The following NOTCH3 variants were observed in gnomAD, a reference collection of about 807,000 sequenced individuals.
NOTCH3 encodes neurogenic locus notch homolog protein 3.
NOTCH3 carries 86 observed loss-of-function variants against 213.3 expected under a neutral mutation model. That is an observed-to-expected ratio of 0.40 (90% CI 0.34 to 0.48). The LOEUF is 0.48. Among genes scored for constraint, NOTCH3 ranks in the 20% least tolerant of loss-of-function variants. The probability of loss-of-function intolerance (pLI) is 0.57; values close to 1 mark genes in which losing one functional copy is unlikely to be tolerated. For missense variants in NOTCH3, 2,783 were observed against 3,272.6 expected, an observed-to-expected ratio of 0.85 and a Z score of 3.65; for synonymous variants, 1,354 against 1,355.9, an observed-to-expected ratio of 1.00 and a Z score of 0.03.
intron 12 of NOTCH3, 106 bp downstream of exon 12, chr19:15,186,772 C>G (rs1329917159): frequency 1.1e-6 from 1 of 912,758 alleles, no homozygotes; most frequent in Non-Finnish European, 1.8e-6. Flanking sequence ...GCACGGACAA[C>G]CTCGTTGGAC....
intron 1 of NOTCH3, 48 bp from the exon 2 acceptor site, chr19:15,197,626 C>G: frequency 6.4e-7 from 1 of 1,568,162 alleles, no homozygotes; most frequent in East Asian, 2.3e-5. Context: ...TGCCCAGGAA[C>G]CCCAGGCCCA....
intron 28 of NOTCH3, among the ~76,000 whole-genome samples, chr19:15,168,250 A>C (rs1008276218): frequency 1.9e-4 from 29 of 152,212 alleles, no homozygotes; most frequent in African/African-American, 7.0e-4. Context: ...CCACAATTAC[A>C]TTGGGCCACC....
chr19:15,160,587 G>A lies in NOTCH3; in HGVS notation c.*75C>T. On this transcript the variant is annotated 3_prime_UTR_variant, in exon 33 of 33. Coordinates refer to ENST00000263388, the MANE Select transcript of NOTCH3 (RefSeq NM_000435.3). ...AGAGGATGAAAAAGACTAAAAGGAA[G>A]GAAGAGACAGAGAAAGAAAGGAGGC... is the stretch of plus-strand genomic sequence containing the variant. 1 of 1,147,266 alleles carries A rather than the reference G, an allele frequency of 8.7e-7. No homozygotes were observed. The highest frequency in any genetic ancestry group is 1.3e-6 in the Non-Finnish European group (1 of 754,088). The allele number at this position is 1,147,266 out of a possible 1,614,324, so 71.1% of individuals were successfully genotyped here.
At chr19:15,187,833 C>T (rs1371636861) in intron 10 of NOTCH3, 48 bp downstream of exon 10, 4 of 1,467,096 alleles carry the variant, frequency 2.7e-6, no homozygotes, top group African/African-American at 2.8e-5. Flanking sequence ...CTGTCGCCCA[C>T]AAGCCCCGCC....
chr19:15,162,130 C>T (rs932290598), intron 32 of NOTCH3, among the ~76,000 whole-genome samples: 5 of 151,432 alleles, frequency 3.3e-5, no homozygotes. Context: ...TACAGGTGTG[C>T]ACCACTACGC....
In NOTCH3 at chr19:15,181,029, C is replaced by A. The variant is rs771899820; in HGVS notation, c.2926G>T (p.Val976Phe). ...AAGCCAGGGTGGGCGGCGCTGCAGA[C>A]GCCCCCGTGTAGGCAGGGCCGCGAG... is the stretch of plus-strand genomic sequence containing the variant. ...CLSRPCLHGG[V>F]CSAAHPGFRC... Residue 976 changes from valine (V) to phenylalanine (F), a missense_variant, in exon 18 of 33, where the codon GTC becomes TTC. This residue lies in a region of NOTCH3 where 861 missense variants were observed against 909.1 expected (regional missense o/e 0.95). Transcript: ENST00000263388. The A allele has an allele frequency of 4.4e-6, 7 of 1,601,206 alleles. No individual in the cohort carries two copies. In the African/African-American group the frequency reaches 8.0e-5, roughly 18 times the overall value.
Position 15,178,095 on chromosome 19 carries a change from G to C in NOTCH3, c.3838-5C>G. The C allele has an allele frequency of 1.3e-6, 2 of 1,519,554 alleles. No homozygotes were observed. Among genetic ancestry groups the C allele is most frequent in the Non-Finnish European group, 1.8e-6 (2 of 1,138,698 alleles). 94.1% of individuals were successfully genotyped at this position (1,519,554 alleles called of 1,614,324 possible). A position where few individuals can be genotyped will look rare whatever the true frequency, so the allele number is the denominator to read the frequency against. ...GCAACGCGGACCCCAGAACGGCTGGGGGTCGGGTTTGGGGAGGGAGGGATA... is the reference window on the plus strand; with the variant it reads ...GCAACGCGGACCCCAGAACGGCTGGCGGTCGGGTTTGGGGAGGGAGGGATA... On this transcript the variant is annotated splice_region_variant and splice_polypyrimidine_tract_variant and intron_variant, in intron 23 of 32. Transcript: ENST00000263388.
At position 15,170,593 on chromosome 19, in the gene NOTCH3, C is replaced by T. The variant is rs1320030460; in HGVS notation, c.4892-40G>A. 4.4e-6 allele frequency: 7 copies of T among 1,591,032 alleles called. No homozygotes were observed. The East Asian group carries it at 1.1e-4, about 26-fold the overall frequency. The stretch of plus-strand genomic sequence containing the variant: ...CAGAGGGCGGGGCTTCAGCCGAGGG[C>T]GGGGCTTTGGCCTCAGGCGGGGCTT... On this transcript the variant is annotated intron_variant, in intron 26 of 32. Transcript: ENST00000263388.
At chr19:15,193,326 T>C (rs1433331018) in intron 2 of NOTCH3, among the ~76,000 whole-genome samples, 2 of 151,358 alleles carry the variant, frequency 1.3e-5, no homozygotes, top group Non-Finnish European at 2.9e-5. Context: ...AACCTCCACC[T>C]CCCGGGGTTC....
chr19:15,194,957 C>T (rs1353712575), intron 2 of NOTCH3, among the ~76,000 whole-genome samples: 2 of 119,440 alleles, frequency 1.7e-5, no homozygotes, highest in Non-Finnish European at 3.5e-5. Flanking sequence ...TACTCGATCT[C>T]AAAAAAAAAA....
At position 15,186,509 on chromosome 19, in the gene NOTCH3, A is replaced by G. The variant is rs531976914; in HGVS notation, c.1951+369T>C. ...CGCCTCCGCCTCCTGAGGTCAAGCA[A>G]TTCTCCTGCCTCAGCCTCCCGAGTA... On this transcript the variant is annotated intron_variant, in intron 12 of 32. Coordinates refer to ENST00000263388, the MANE Select transcript of NOTCH3 (RefSeq NM_000435.3). Among the ~76,000 whole-genome samples the G allele has an allele frequency of 2.0e-5, 3 of 151,378 alleles. No individual in the cohort carries two copies. The East Asian group carries it at 5.9e-4, about 30-fold the overall frequency.
intron 2 of NOTCH3, 59 bp downstream of exon 2, chr19:15,197,441 G>GCGGCCCCCCCCCCCCCCCC: frequency 1.3e-6 from 1 of 768,362 alleles, no homozygotes; most frequent in Admixed American, 2.0e-5. Context: ...AAGACAAATC[G>GCGGCCCCCCCCCCCCCCCC]CCCCTCCCCC....
intron 28 of NOTCH3, among the ~76,000 whole-genome samples, chr19:15,168,921 G>A (rs569237578): frequency 9.9e-5 from 15 of 152,080 alleles, no homozygotes; most frequent in Admixed American, 5.9e-4. Context: ...TTGAAGATAG[G>A]ACTTTATTTT....
chr19:15,163,527 C>G (rs972438104), intron 31 of NOTCH3, among the ~76,000 whole-genome samples: 1 of 152,134 alleles, frequency 6.6e-6, no homozygotes, highest in African/African-American at 2.4e-5. Context: ...ATAAATTGGA[C>G]ATGATCAAAA....
chr19:15,178,205 G>C, intron 23 of NOTCH3, 115 bp from the exon 24 acceptor site: 3 of 639,806 alleles, frequency 4.7e-6, no homozygotes, highest in Non-Finnish European at 7.8e-6. Flanking sequence ...AGGGGGAAGA[G>C]AAGAGGTCAA....
In NOTCH3 at chr19:15,181,145, C is replaced by T; in HGVS notation, c.2810G>A (p.Gly937Glu). ...DCSPSSCFNG[G>E]TCVDGVNSFS... ...CGAGTTCACGCCGTCCACACAGGTC[C>T]CGCCATTGAAGCAGGAGCTGGAGCG... is the stretch of plus-strand genomic sequence containing the variant. The change falls in exon 18 of 33, where the codon GGG becomes GAG. Residue 937 changes from glycine (G) to glutamate (E), a missense_variant. Coordinates refer to ENST00000263388, the MANE Select transcript of NOTCH3 (RefSeq NM_000435.3). The T allele has an allele frequency of 6.2e-7, 1 of 1,611,096 alleles. No homozygotes were observed. Among genetic ancestry groups the T allele is most frequent in the Non-Finnish European group, 8.5e-7 (1 of 1,179,214 alleles).
chr19:15,199,363 T>C (rs559407685), intron 1 of NOTCH3, among the ~76,000 whole-genome samples: 20 of 152,258 alleles, frequency 1.3e-4, no homozygotes, highest in Admixed American at 5.9e-4. Flanking sequence ...ACCGTGTAAA[T>C]GGGTGTACAG....
In NOTCH3 at chr19:15,189,086, G is replaced by A. The variant is rs1265092129; in HGVS notation, c.1281C>T (p.Arg427=). 1.2e-6 allele frequency: 2 copies of A among 1,613,086 alleles called. No homozygotes were observed. The highest frequency in any genetic ancestry group is 2.7e-5 in the African/African-American group (2 of 74,954). The part of the protein sequence containing the change: ...CQCGRGYTGP[R]CETDVNECLS... ...GACACTCGTTGACATCGGTCTCACA[G>A]CGAGGTCCAGTGTAGCCACGACCGC... Residue 427 remains arginine (R), a synonymous_variant, in exon 8 of 33, where the codon CGC becomes CGT. Transcript: ENST00000263388.
chr19:15,180,693 C>T lies in NOTCH3; in HGVS notation c.3130G>A (p.Ala1044Thr), dbSNP rs767672719. ...TGCTCCCACTCACCGATCTGGGCTG[C>T]GGCCTCCCTGCAGGGCAAGCTTCGG... ...DIRSLPCREA[A>T]AQIGVRLEQL... The change falls in exon 19 of 33, where the codon GCA becomes ACA. Residue 1044 changes from alanine to threonine, a missense_variant. Coordinates refer to ENST00000263388, the MANE Select transcript of NOTCH3 (RefSeq NM_000435.3). 6.4e-7 allele frequency: 1 copy of T among 1,555,798 alleles called. No homozygotes were observed. Among genetic ancestry groups the T allele is most frequent in the South Asian group, 1.2e-5 (1 of 84,628 alleles).
Sources: allele counts gnomAD v4.1 joint callset (sites outside exome capture counted in the v4.1 genomes callset), GRCh38; gene constraint gnomAD v4.1.1; regional missense constraint gnomAD v4.1.1; transcripts MANE v1.5; gene names NCBI Gene and HGNC (gene_info 2026-07-23, HGNC 2026-07-21).